Variants in SOX6 observed in about 807,000 individuals in gnomAD.
The protein encoded by SOX6 is SRY-box transcription factor 6.
In SOX6, 11 loss-of-function variants were observed where a neutral mutation model predicts 97.8. The ratio of observed to expected loss-of-function variants is 0.11; its 90% CI spans 0.07 to 0.19. SOX6 has a LOEUF of 0.19. Ranked by LOEUF, SOX6 falls within the 10% of genes least tolerant of loss-of-function variation. The probability of loss-of-function intolerance (pLI) is 1.00; values close to 1 mark genes in which losing one functional copy is unlikely to be tolerated. For missense variants in SOX6, 810 were observed against 1,039.5 expected (o/e 0.78, Z 3.04); for synonymous variants, 360 against 371.4 (o/e 0.97, Z 0.35).
chr11:16,431,949 A>G (rs1318764521), intron 1 of SOX6, among the ~76,000 whole-genome samples: 1 of 152,128 alleles, frequency 6.6e-6, no homozygotes, highest in African/African-American at 2.4e-5. Context: ...GTGAGATCAT[A>G]AAAAGGAAGG....
At chr11:16,428,403 T>C (rs930374646) in intron 1 of SOX6, among the ~76,000 whole-genome samples, 1 of 152,262 alleles carries the variant, frequency 6.6e-6, no homozygotes, top group East Asian at 1.9e-4. Context: ...TTCTTGCCCA[T>C]GCCTATGTCC....
intron 4 of SOX6, among the ~76,000 whole-genome samples, chr11:16,230,565 T>C (rs911740935): frequency 1.3e-5 from 2 of 151,790 alleles, no homozygotes. Context: ...TGCAGAATTA[T>C]TGAGAGACAT....
At chr11:16,384,668 G>T (rs552434556) in intron 1 of SOX6, among the ~76,000 whole-genome samples, 182 of 151,912 alleles carry the variant, frequency 1.2e-3, no homozygotes, top group African/African-American at 4.3e-3. Context: ...AAAAAGCATA[G>T]TCATAAGGGA....
chr11:16,174,634 T>TA (rs1382006196), intron 6 of SOX6, among the ~76,000 whole-genome samples: 6 of 151,934 alleles, frequency 3.9e-5, no homozygotes, highest in African/African-American at 1.4e-4. Flanking sequence ...CTGGTATGCA[T>TA]ACTGTTTAAC....
chr11:16,317,871 C>A, intron 3 of SOX6: 1 of 374,046 alleles, frequency 2.7e-6, no homozygotes, highest in Non-Finnish European at 5.3e-6. Flanking sequence ...CTAGGATGTA[C>A]ACGAACCTGA....
At chr11:16,188,626 A>T (rs1269444283) in intron 4 of SOX6, among the ~76,000 whole-genome samples, 1 of 152,218 alleles carries the variant, frequency 6.6e-6, no homozygotes, top group African/African-American at 2.4e-5. Flanking sequence ...GATATTTTTT[A>T]AATTTACATA....
At chr11:16,711,843 G>A (rs1848183245) in intron 3 of SOX6, among the ~76,000 whole-genome samples, 1 of 152,038 alleles carries the variant, frequency 6.6e-6, no homozygotes, top group Non-Finnish European at 1.5e-5. Context: ...CGCACCACAT[G>A]TGTAGTCTTT....
At chr11:16,451,446 G>T (rs989195119) in intron 1 of SOX6, among the ~76,000 whole-genome samples, 6 of 152,080 alleles carry the variant, frequency 3.9e-5, no homozygotes, top group African/African-American at 1.2e-4. Context: ...ACTTCCAAAA[G>T]CCTTCCCCCA....
chr11:15,978,781 C>T (rs1331284196), intron 15 of SOX6, among the ~76,000 whole-genome samples: 5 of 136,282 alleles, frequency 3.7e-5, no homozygotes, highest in African/African-American at 1.3e-4. Context: ...GAGCAAAGGG[C>T]TCACTGGAGA....
In SOX6 at chr11:16,530,679, C is replaced by T. The variant is rs371410502; in HGVS notation, n.610-54291G>A. Among the ~76,000 whole-genome samples the T allele has an allele frequency of 1.3e-4, 19 of 151,864 alleles. No individual in the cohort carries two copies. The South Asian group carries it at 3.7e-3, about 30-fold the overall frequency. On this transcript the variant is annotated intron_variant and non_coding_transcript_variant, in intron 4 of 5. Transcript: ENST00000524520. ...ACAGAACTAATAGGAAATATTCCTG[C>T]GAAGAAATATCCCAGCTCCACACTG...
intron 1 of SOX6, among the ~76,000 whole-genome samples, chr11:16,395,368 T>G (rs1858321762): frequency 6.6e-6 from 1 of 151,848 alleles, no homozygotes; most frequent in African/African-American, 2.4e-5. Flanking sequence ...AAGGAGGGTT[T>G]CTCTGAAGAA....
chr11:16,477,969 C>G (rs1860284094), upstream of SOX6, among the ~76,000 whole-genome samples: 1 of 152,138 alleles, frequency 6.6e-6, no homozygotes, highest in Non-Finnish European at 1.5e-5. Flanking sequence ...GTTTAGGGAT[C>G]TGGGAGAGTA....
chr11:16,290,897 T>C (rs865823275), intron 3 of SOX6, among the ~76,000 whole-genome samples: 1 of 152,090 alleles, frequency 6.6e-6, no homozygotes, highest in Non-Finnish European at 1.5e-5. Context: ...GCAAATGTGC[T>C]TGTTCATATG....
At chr11:16,125,823 G>A (rs1302685926) in intron 6 of SOX6, among the ~76,000 whole-genome samples, 1 of 105,996 alleles carries the variant, frequency 9.4e-6, no homozygotes, top group Non-Finnish European at 2.1e-5. Context: ...TCATAGGAAG[G>A]AAGGAAGGAA....
intron 9 of SOX6, among the ~76,000 whole-genome samples, chr11:16,073,861 A>G (rs1848283226): frequency 6.6e-6 from 1 of 152,224 alleles, no homozygotes; most frequent in Non-Finnish European, 1.5e-5. Context: ...CAATGAAATT[A>G]AGGCAGAAAT....
At chr11:16,379,743 T>C (rs543724179) in intron 1 of SOX6, among the ~76,000 whole-genome samples, 2 of 152,060 alleles carry the variant, frequency 1.3e-5, no homozygotes, top group Non-Finnish European at 2.9e-5. Flanking sequence ...TTTTTAAGAA[T>C]TTAAACTAAA....
intron 6 of SOX6, among the ~76,000 whole-genome samples, chr11:16,146,454 T>C (rs548902864): frequency 4.6e-5 from 7 of 152,340 alleles, no homozygotes; most frequent in Admixed American, 4.6e-4. Flanking sequence ...AAGGACTTCA[T>C]GGCTAAAACA....
intron 6 of SOX6, among the ~76,000 whole-genome samples, chr11:16,169,033 T>A (rs1057225798): frequency 6.6e-6 from 1 of 152,172 alleles, no homozygotes; most frequent in Non-Finnish European, 1.5e-5. Flanking sequence ...ATTTGAGGAT[T>A]TCCTAATTTT....
intron 6 of SOX6, among the ~76,000 whole-genome samples, chr11:16,118,454 G>A (rs971088940): frequency 1.3e-5 from 2 of 152,212 alleles, no homozygotes; most frequent in East Asian, 3.8e-4. Flanking sequence ...AAACAGCATT[G>A]TTGCATCAAC....
Sources: allele counts gnomAD v4.1 joint callset (sites outside exome capture counted in the v4.1 genomes callset), GRCh38; gene constraint gnomAD v4.1.1; transcripts MANE v1.5; gene names NCBI Gene and HGNC (gene_info 2026-07-23, HGNC 2026-07-21).